CDK19: variants seen among roughly 807,000 people sequenced by gnomAD.
CDK19 encodes cyclin-dependent kinase 19.
In CDK19, 20 loss-of-function variants were observed where a neutral mutation model predicts 68.3. That is an observed-to-expected ratio of 0.29 (90% CI 0.21 to 0.43). CDK19 has a LOEUF of 0.43. Among genes scored for constraint, CDK19 ranks in the 20% least tolerant of loss-of-function variants. The pLI is 1.00. For synonymous variants in CDK19, 221 were observed against 222.8 expected (o/e 0.99, Z 0.07); for missense variants, 339 against 623.5 (o/e 0.54, Z 4.86).
chr6:110,804,209 CTG>C (rs1315482088), intron 1 of CDK19, among the ~76,000 whole-genome samples: 2 of 152,140 alleles, frequency 1.3e-5, no homozygotes, highest in Non-Finnish European at 2.9e-5. Flanking sequence ...AGCTTAGTAA[CTG>C]AGATCATCCA....
intron 1 of CDK19, among the ~76,000 whole-genome samples, chr6:110,791,205 TTAAA>T (rs142969144): frequency 0.023 from 3,489 of 151,408 alleles, 120 homozygotes; most frequent in African/African-American, 0.081. Flanking sequence ...AATTAATTAA[TTAAA>T]TAAAAATGTA....
At chr6:110,665,417 A>C (rs902779058) in intron 4 of CDK19, among the ~76,000 whole-genome samples, 1 of 152,180 alleles carries the variant, frequency 6.6e-6, no homozygotes, top group Non-Finnish European at 1.5e-5. Context: ...AAAAGAGAGG[A>C]CACTAAAGCA....
chr6:110,679,572 A>G (rs1387632226), intron 2 of CDK19, among the ~76,000 whole-genome samples: 1 of 152,208 alleles, frequency 6.6e-6, no homozygotes, highest in Non-Finnish European at 1.5e-5. Context: ...AGATCACACC[A>G]TTGCACTCCA....
chr6:110,648,989 G>C (rs1780801830), intron 4 of CDK19, among the ~76,000 whole-genome samples: 1 of 152,194 alleles, frequency 6.6e-6, no homozygotes, highest in Non-Finnish European at 1.5e-5. Flanking sequence ...TGGGATTACA[G>C]GCATGGGCCA....
chr6:110,763,541 G>T (rs1779373036), intron 1 of CDK19, among the ~76,000 whole-genome samples: 1 of 150,398 alleles, frequency 6.6e-6, no homozygotes, highest in Admixed American at 6.7e-5. Flanking sequence ...TCAGCCTCCC[G>T]AGTAGCTGGG....
In CDK19 at chr6:110,626,850, CA is replaced by C; in HGVS notation, c.791-6del. 8 of 1,521,748 alleles carry C rather than the reference CA, an allele frequency of 5.3e-6. No homozygotes were observed. Among genetic ancestry groups the C allele is most frequent in the African/African-American group, 1.4e-5 (1 of 71,968 alleles). 94.3% of individuals were successfully genotyped at this position (1,521,748 alleles called of 1,614,324 possible). On this transcript the variant is annotated splice_region_variant and splice_polypyrimidine_tract_variant and intron_variant, in intron 7 of 12. Transcript: ENST00000368911. ...TAATATCTTCCCAGTCTTTATCTTA[CA>C]AAAAAATTAAATATTGTTATAGAAA...
At chr6:110,633,078 G>A (rs557003941) in intron 5 of CDK19, among the ~76,000 whole-genome samples, 2 of 152,048 alleles carry the variant, frequency 1.3e-5, no homozygotes, top group East Asian at 3.9e-4. Context: ...AATTAGCTGG[G>A]CGTGGTGGCG....
chr6:110,728,266 T>G (rs1776487105), intron 2 of CDK19, among the ~76,000 whole-genome samples: 1 of 139,922 alleles, frequency 7.1e-6, no homozygotes. Context: ...CCAGCCTGGG[T>G]GACAGAGCAA....
At chr6:110,669,701 G>C (rs1448131547) in intron 3 of CDK19, among the ~76,000 whole-genome samples, 2 of 152,048 alleles carry the variant, frequency 1.3e-5, no homozygotes, top group Non-Finnish European at 2.9e-5. Context: ...TTTGAAGTTT[G>C]TTACTTTTAG....
At chr6:110,638,622 T>C (rs760883545) in intron 5 of CDK19, 27 bp downstream of exon 5, 1 of 1,176,618 alleles carries the variant, frequency 8.5e-7, no homozygotes, top group Non-Finnish European at 1.3e-6. Flanking sequence ...AGTTTTTAAA[T>C]AAATTATTTT....
chr6:110,805,237 C>G (rs761310619), intron 1 of CDK19, among the ~76,000 whole-genome samples: 1 of 152,100 alleles, frequency 6.6e-6, no homozygotes, highest in South Asian at 2.1e-4. Context: ...GTTCTAGATA[C>G]TACTGGTTTT....
intron 2 of CDK19, among the ~76,000 whole-genome samples, chr6:110,727,713 C>T (rs919061714): frequency 6.6e-6 from 1 of 152,018 alleles, no homozygotes; most frequent in Non-Finnish European, 1.5e-5. Context: ...GAGCTGACAC[C>T]TGTAATCCCA....
At position 110,793,423 on chromosome 6, in the gene CDK19, A is replaced by AT. The variant is rs1431509557; in HGVS notation, c.128+21585dup. Among the ~76,000 whole-genome samples the AT allele has an allele frequency of 2.6e-5, 4 of 152,342 alleles. No individual in the cohort carries two copies. The East Asian group carries it at 7.7e-4, about 29-fold the overall frequency. On this transcript the variant is annotated intron_variant, in intron 1 of 12. Coordinates refer to ENST00000368911, the MANE Select transcript of CDK19 (RefSeq NM_015076.5). ...CATTATAAGGCTTTGCTTAAAAAAAATTATCCTAAATGTTAAGTCTTTATA... is the reference window on the plus strand; with the variant it reads ...CATTATAAGGCTTTGCTTAAAAAAAATTTATCCTAAATGTTAAGTCTTTATA...
intron 1 of CDK19, among the ~76,000 whole-genome samples, chr6:110,793,958 T>G (rs1321943526): frequency 6.6e-6 from 1 of 152,218 alleles, no homozygotes; most frequent in African/African-American, 2.4e-5. Flanking sequence ...ACATCTTATT[T>G]GTACAATATT....
intron 1 of CDK19, chr6:110,814,449 G>T (rs908634461): frequency 2.8e-6 from 1 of 361,100 alleles, no homozygotes; most frequent in East Asian, 8.5e-5. Flanking sequence ...CCAACGGGCC[G>T]GCCAGCCCGA....
intron 1 of CDK19, among the ~76,000 whole-genome samples, chr6:110,785,494 A>G (rs1295466198): frequency 2.0e-5 from 3 of 152,238 alleles, no homozygotes; most frequent in Admixed American, 1.3e-4. Context: ...GAAGGAAACC[A>G]TAAGACAGAC....
At chr6:110,805,650 C>G (rs906730539) in intron 1 of CDK19, among the ~76,000 whole-genome samples, 1 of 151,984 alleles carries the variant, frequency 6.6e-6, no homozygotes, top group Non-Finnish European at 1.5e-5. Flanking sequence ...TGGACCCACA[C>G]AGTTCAAACT....
At chr6:110,619,738 C>T (rs775364870) in intron 12 of CDK19, among the ~76,000 whole-genome samples, 2 of 151,940 alleles carry the variant, frequency 1.3e-5, no homozygotes, top group Non-Finnish European at 2.9e-5. Flanking sequence ...CTGATCCCCA[C>T]CCTGCTCTTT....
chr6:110,731,644 G>A (rs1305336380), intron 2 of CDK19, among the ~76,000 whole-genome samples: 1 of 152,108 alleles, frequency 6.6e-6, no homozygotes, highest in East Asian at 1.9e-4. Flanking sequence ...CTAGCACTGG[G>A]TCTTTTCCAG....
Sources: gnomAD v4.1 joint callset for allele counts (sites outside exome capture counted in the v4.1 genomes callset) on GRCh38, gnomAD v4.1.1 for gene constraint, MANE v1.5 for transcripts, NCBI Gene and HGNC (gene_info 2026-07-23, HGNC 2026-07-21) for gene names.